C1QTNF6: variants seen among roughly 807,000 people sequenced by gnomAD.
The protein encoded by C1QTNF6 is complement C1q tumor necrosis factor-related protein 6.
C1QTNF6 carries 17 observed loss-of-function variants against 20.7 expected under a neutral mutation model. The ratio of observed to expected loss-of-function variants is 0.82; its 90% CI spans 0.56 to 1.23. The LOEUF is 1.23. Ranked by LOEUF, C1QTNF6 falls within the 50% of genes most tolerant of loss-of-function variation. C1QTNF6 has a pLI of 0.00. For missense variants in C1QTNF6, 329 were observed against 389.7 expected (o/e 0.84, Z 1.31); for synonymous variants, 130 against 156.3 (o/e 0.83, Z 1.25).
chr22:37,182,770 C>CATCT, intron 2 of C1QTNF6, 35 bp from the exon 3 acceptor site: 1 of 1,532,862 alleles, frequency 6.5e-7, no homozygotes, highest in South Asian at 1.2e-5. Context: ...TCAGGGTGGA[C>CATCT]ATCTGAGCCT....
chr22:37,198,098 G>A (rs1601643822), upstream of C1QTNF6: 1 of 152,484 alleles, frequency 6.6e-6, no homozygotes, highest in South Asian at 2.1e-4. Flanking sequence ...TGACCAGGAG[G>A]AGCGCAGGCC....
In C1QTNF6 at chr22:37,184,421, G is replaced by A. The variant is rs1033747286; in HGVS notation, c.289+797C>T. 1 of 717,286 alleles carries A rather than the reference G, an allele frequency of 1.4e-6. No individual in the cohort carries two copies. Among genetic ancestry groups the A allele is most frequent in the Non-Finnish European group, 2.6e-6 (1 of 385,028 alleles). The allele number at this position is 717,286 out of a possible 1,614,324, so 44.4% of individuals were successfully genotyped here. A position where few individuals can be genotyped will look rare whatever the true frequency, so the allele number is the denominator to read the frequency against. ...TCAGCCACCACAGCCTGGAAGGGAA[G>A]CGAGTCCTTCCACGTCCTATTGAGA... On this transcript the variant is annotated intron_variant, in intron 2 of 2. Transcript: ENST00000337843. The surrounding 1 kb of genome is among the most constrained non-coding windows in gnomAD (Gnocchi z 4.0).
Position 37,188,197 on chromosome 22 carries a change from AC to A in C1QTNF6, c.16del (p.Val6SerfsTer32), listed in dbSNP as rs960122349. 1 of 1,608,732 alleles carries A rather than the reference AC, an allele frequency of 6.2e-7. No individual in the cohort carries two copies. The highest frequency in any genetic ancestry group is 8.5e-7 in the Non-Finnish European group (1 of 1,177,538). MQWLRVRESPGEATGH... is the reference protein window; with the variant it reads MQWLRXRESPGEATGH... ...TGTGGCCTCCCCAGGCGACTCACGG[AC>A]CCTGAGCCACTGCATGGCCTCTGGC... On this transcript the variant is annotated frameshift_variant, in exon 1 of 3. Coordinates refer to ENST00000337843, the MANE Select transcript of C1QTNF6 (RefSeq NM_031910.4). LOFTEE classifies it high-confidence loss of function.
intron 1 of C1QTNF6, among the ~76,000 whole-genome samples, chr22:37,186,269 C>T (rs150803624): frequency 3.6e-4 from 55 of 152,314 alleles, no homozygotes; most frequent in African/African-American, 1.3e-3. Context: ...TAAGAGTCCC[C>T]GTTGGAGGGA....
chr22:37,183,079 C>G, intron 2 of C1QTNF6: 1 of 313,976 alleles, frequency 3.2e-6, no homozygotes, highest in Non-Finnish European at 4.6e-6. Context: ...CAGGCCCAGG[C>G]CCCCACCCCA....
chr22:37,195,508 G>C (rs577508413), intron 1 of C1QTNF6: 1 of 152,232 alleles, frequency 6.6e-6, no homozygotes, highest in Non-Finnish European at 1.5e-5. Context: ...CCAAAGAGAG[G>C]GTTCCTGGAC....
chr22:37,190,107 C>CA (rs1303296904), upstream of C1QTNF6, among the ~76,000 whole-genome samples: 3 of 152,084 alleles, frequency 2.0e-5, no homozygotes, highest in Non-Finnish European at 2.9e-5. Context: ...AAATTGCAGA[C>CA]AAAAAACTCA....
At position 37,188,206 on chromosome 22, in the gene C1QTNF6, C is replaced by T; in HGVS notation, c.8G>A (p.Trp3Ter). Residue 3 changes from tryptophan to a stop codon, truncating the protein, a stop_gained, in exon 1 of 3, where the codon TGG (tryptophan) becomes TAG (stop). Transcript: ENST00000337843. LOFTEE classifies it high-confidence loss of function. The part of the protein sequence containing the change: MQ[W>*]LRVRESPGEA... ...CCCAGGCGACTCACGGACCCTGAGC[C>T]ACTGCATGGCCTCTGGCTCCTTGGC... The T allele has an allele frequency of 6.2e-7, 1 of 1,608,842 alleles. No individual in the cohort carries two copies. The highest frequency in any genetic ancestry group is 8.5e-7 in the Non-Finnish European group (1 of 1,177,498).
At position 37,182,689 on chromosome 22, in the gene C1QTNF6, G is replaced by A. The variant is rs751874002; in HGVS notation, c.336C>T (p.Gly112=). 1.5e-5 allele frequency: 24 copies of A among 1,612,630 alleles called. No homozygotes were observed. The highest frequency in any genetic ancestry group is 1.9e-5 in the Non-Finnish European group (22 of 1,179,912). The change falls in exon 3 of 3, where the codon GGC becomes GGT. Residue 112 remains glycine, a synonymous_variant. Coordinates refer to ENST00000337843, the MANE Select transcript of C1QTNF6 (RefSeq NM_031910.4). The part of the protein sequence containing the change: ...PGPMGLPGYM[G]REGPQGEPGP... Reference sequence around the variant, plus strand: ...CAGGCTCCCCTTGGGGACCCTCCCTGCCCATGTACCCTGGCAGGCCCATTG... The same window carrying A: ...CAGGCTCCCCTTGGGGACCCTCCCTACCCATGTACCCTGGCAGGCCCATTG...
Position 37,182,522 on chromosome 22 carries a change from A to T in C1QTNF6, c.503T>A (p.Val168Asp), listed in dbSNP as rs755558873. 1 of 1,614,162 alleles carries T rather than the reference A, an allele frequency of 6.2e-7. No homozygotes were observed. Among genetic ancestry groups the T allele is most frequent in the Non-Finnish European group, 8.5e-7 (1 of 1,180,024 alleles). The change falls in exon 3 of 3, where the codon GTC becomes GAC. Residue 168 changes from valine (V) to aspartate (D), a missense_variant. By Grantham distance (152) the Val-to-Asp change is radical (BLOSUM62 -3). Transcript: ENST00000337843. Reference protein sequence around the residue: ...EDFQTLLFERVFVNLDGCFDM... With the variant: ...EDFQTLLFERDFVNLDGCFDM... ...AAAGCACCCATCAAGGTTCACAAAGACCCTTTCGAAGAGCAGCGTCTGGAA... is the reference window on the plus strand; with the variant it reads ...AAAGCACCCATCAAGGTTCACAAAGTCCCTTTCGAAGAGCAGCGTCTGGAA...
At chr22:37,185,103 A>C in intron 2 of C1QTNF6, 115 bp downstream of exon 2, 1 of 1,448,646 alleles carries the variant, frequency 6.9e-7, no homozygotes. Flanking sequence ...ATTGGGGCTC[A>C]ATAACTCAGG....
chr22:37,194,976 A>G (rs897552476), intron 2 of C1QTNF6, among the ~76,000 whole-genome samples: 14 of 150,864 alleles, frequency 9.3e-5, no homozygotes, highest in African/African-American at 3.5e-4. Context: ...CACTGGATCA[A>G]TAGTTCAGGA....
At position 37,184,351 on chromosome 22, in the gene C1QTNF6, T is replaced by C. The variant is rs1924079296; in HGVS notation, c.289+867A>G. 1 of 717,062 alleles carries C rather than the reference T, an allele frequency of 1.4e-6. No homozygotes were observed. The highest frequency in any genetic ancestry group is 2.6e-6 in the Non-Finnish European group (1 of 385,038). 44.4% of individuals were successfully genotyped at this position (717,062 alleles called of 1,614,324 possible). ...AAAATATCGACCTCACGGGCTGTTG[T>C]GGGCAGAGACGGACGCTAAGGATGT... On this transcript the variant is annotated intron_variant, in intron 2 of 2. Coordinates refer to ENST00000337843, the MANE Select transcript of C1QTNF6 (RefSeq NM_031910.4). This position sits in a 1 kb window ranked among gnomAD's most constrained non-coding sequence, Gnocchi z 4.0.
upstream of C1QTNF6, among the ~76,000 whole-genome samples, chr22:37,189,197 A>G (rs1924648479): frequency 6.6e-6 from 1 of 152,204 alleles, no homozygotes; most frequent in Non-Finnish European, 1.5e-5. Context: ...TGTTTTAGCA[A>G]GCTAACACAT....
chr22:37,185,689 C>T (rs922613696), intron 1 of C1QTNF6: 3 of 1,221,830 alleles, frequency 2.5e-6, no homozygotes, highest in Non-Finnish European at 3.1e-6. Flanking sequence ...AGTCTCCGGG[C>T]ACCCAGTCCA....
chr22:37,182,455 GAT>G lies in C1QTNF6; in HGVS notation c.568_569del (p.Ile190LeufsTer22). 1 of 1,614,270 alleles carries G rather than the reference GAT, an allele frequency of 6.2e-7. No individual in the cohort carries two copies. On this transcript the variant is annotated frameshift_variant, in exon 3 of 3. Coordinates refer to ENST00000337843, the MANE Select transcript of C1QTNF6 (RefSeq NM_031910.4). LOFTEE classifies it high-confidence loss of function. ...TGQFAAPLRGIYFFSLNVHSW... is the reference protein window; with the variant it reads ...TGQFAAPLRGXYFFSLNVHSW... ...TGTGCACATTGAGGCTGAAGAAGTAGATGCCACGCAGGGGAGCAGCAAACTGG... is the reference window on the plus strand; with the variant it reads ...TGTGCACATTGAGGCTGAAGAAGTAGGCCACGCAGGGGAGCAGCAAACTGG...
At chr22:37,183,325 G>A (rs1004536342) in intron 2 of C1QTNF6, among the ~76,000 whole-genome samples, 2 of 152,218 alleles carry the variant, frequency 1.3e-5, no homozygotes, top group Admixed American at 6.5e-5. Context: ...CACCTCAGGG[G>A]TGTTTGTGAG....
At chr22:37,186,024 T>A in intron 1 of C1QTNF6, 1 of 985,608 alleles carries the variant, frequency 1.0e-6, no homozygotes. Flanking sequence ...GAGCCCATGC[T>A]TTGGTGTGAG....
intron 1 of C1QTNF6, among the ~76,000 whole-genome samples, chr22:37,187,589 A>T (rs1429406123): frequency 3.6e-5 from 5 of 139,780 alleles, no homozygotes; most frequent in Non-Finnish European, 6.2e-5. Context: ...AAAAAAAAAA[A>T]GTGTGCTTTG....
Sources: allele counts gnomAD v4.1 joint callset (sites outside exome capture counted in the v4.1 genomes callset), GRCh38; gene constraint gnomAD v4.1.1; non-coding constraint Gnocchi (gnomAD v3.1); transcripts MANE v1.5; gene names NCBI Gene and HGNC (gene_info 2026-07-23, HGNC 2026-07-21).